The following AKAP9 variants were observed in gnomAD, a reference collection of about 807,000 sequenced individuals.
AKAP9 encodes A-kinase anchoring protein 9.
A neutral mutation model predicts 488.5 loss-of-function variants in AKAP9; 311 were observed. The ratio of observed to expected loss-of-function variants is 0.64; its 90% CI spans 0.58 to 0.70. The LOEUF is 0.70. Among genes scored for constraint, AKAP9 ranks in the 30% least tolerant of loss-of-function variants. The pLI, the probability that AKAP9 is intolerant of heterozygous loss-of-function variation, is 0.00. For missense variants in AKAP9, 4,215 were observed against 4,374.5 expected (o/e 0.96, Z 1.03); for synonymous variants, 1,462 against 1,483.5 (o/e 0.99, Z 0.33).
intron 27 of AKAP9, among the ~76,000 whole-genome samples, chr7:92,070,624 G>A (rs1011730976): frequency 4.0e-5 from 6 of 151,710 alleles, no homozygotes; most frequent in East Asian, 3.9e-4. Context: ...TAGTAGAAAC[G>A]GGGTTTCTGC....
intron 47 of AKAP9, among the ~76,000 whole-genome samples, chr7:92,106,939 A>AT (rs1187540886): frequency 6.6e-6 from 1 of 152,162 alleles, no homozygotes; most frequent in Non-Finnish European, 1.5e-5. Flanking sequence ...TTGGTCTAAT[A>AT]TTTTTTATCC....
At chr7:92,067,136 G>A (rs1407706926) in intron 26 of AKAP9, among the ~76,000 whole-genome samples, 1 of 152,166 alleles carries the variant, frequency 6.6e-6, no homozygotes, top group Non-Finnish European at 1.5e-5. Context: ...CAGCATAAAT[G>A]ATGGAGTGCC....
At chr7:92,104,190 A>ATTTTTT (rs879741854) in intron 46 of AKAP9, among the ~76,000 whole-genome samples, 1 of 142,582 alleles carries the variant, frequency 7.0e-6, no homozygotes. Flanking sequence ...TTATTTATTT[A>ATTTTTT]TTTTTTTTTT....
chr7:92,033,724 C>T (rs1804683125), intron 16 of AKAP9, among the ~76,000 whole-genome samples: 1 of 152,286 alleles, frequency 6.6e-6, no homozygotes, highest in South Asian at 2.1e-4. Context: ...AGGCGTGAGC[C>T]ACCATGCCTG....
intron 22 of AKAP9, among the ~76,000 whole-genome samples, chr7:92,054,361 T>C (rs75492184): frequency 6.6e-6 from 1 of 152,136 alleles, no homozygotes; most frequent in African/African-American, 2.4e-5. Flanking sequence ...ATTTTTTTTT[T>C]CACGTATTAT....
At chr7:91,974,254 G>C (rs1336904272) in intron 2 of AKAP9, among the ~76,000 whole-genome samples, 3 of 152,196 alleles carry the variant, frequency 2.0e-5, no homozygotes, top group Non-Finnish European at 4.4e-5. Flanking sequence ...AATTATTCTA[G>C]TGGAGAAGGC....
At chr7:92,077,911 G>C (rs1812874815) in intron 30 of AKAP9, 36 bp downstream of exon 30, 1 of 1,537,846 alleles carries the variant, frequency 6.5e-7, no homozygotes, top group Non-Finnish European at 8.9e-7. Context: ...AAATTAATAT[G>C]AACCAGAGTT....
chr7:91,952,587 G>C (rs1341198284), intron 1 of AKAP9, among the ~76,000 whole-genome samples: 1 of 152,170 alleles, frequency 6.6e-6, no homozygotes, highest in Non-Finnish European at 1.5e-5. Context: ...GCTTCCAGAA[G>C]AATGAGACAA....
chr7:91,991,285 C>T lies in AKAP9; in HGVS notation c.352-873C>T, dbSNP rs375976095. On this transcript the variant is annotated intron_variant, in intron 3 of 49. Transcript: ENST00000356239. ...TTAATTTGAAAGTTATTGCAAATGT[C>T]TTGATATTAATCTTTTAATTAAAAA... 4.1e-5 allele frequency among the ~76,000 whole-genome samples: 6 copies of T among 147,138 alleles called. 1 individual carries two copies. The highest frequency in any genetic ancestry group is 1.5e-4 in the African/African-American group (6 of 39,132).
chr7:92,013,093 G>A (rs1800998653), intron 9 of AKAP9, among the ~76,000 whole-genome samples: 1 of 139,688 alleles, frequency 7.2e-6, no homozygotes, highest in African/African-American at 2.6e-5. Context: ...CCGGGTTCAC[G>A]CCATTCTCCT....
intron 37 of AKAP9, 51 bp downstream of exon 37, chr7:92,086,467 CTA>C: frequency 6.9e-7 from 1 of 1,444,292 alleles, no homozygotes; most frequent in Non-Finnish European, 9.7e-7. Context: ...AAGGAAATGA[CTA>C]TTGATTTTAG....
intron 7 of AKAP9, among the ~76,000 whole-genome samples, chr7:92,000,243 G>A (rs932151337): frequency 4.6e-5 from 7 of 152,132 alleles, no homozygotes; most frequent in Non-Finnish European, 8.8e-5. Flanking sequence ...GCCATAAATG[G>A]TATAGTTGTC....
intron 8 of AKAP9, among the ~76,000 whole-genome samples, chr7:92,011,023 G>C (rs955246720): frequency 1.3e-5 from 2 of 151,892 alleles, no homozygotes; most frequent in East Asian, 3.8e-4. Flanking sequence ...TTTTTTCAAT[G>C]GAGAAAATCC....
At chr7:92,018,637 A>G (rs1440921312) in intron 12 of AKAP9, among the ~76,000 whole-genome samples, 1 of 151,942 alleles carries the variant, frequency 6.6e-6, no homozygotes, top group African/African-American at 2.4e-5. Flanking sequence ...TTACTTTATT[A>G]TTTCTCGACT....
chr7:91,994,521 A>G (rs1404567017), intron 5 of AKAP9, 100 bp from the exon 6 acceptor site: 2 of 998,042 alleles, frequency 2.0e-6, no homozygotes, highest in African/African-American at 3.3e-5. Flanking sequence ...ACAAAGTGTA[A>G]GAATTATGCC....
Position 92,001,429 on chromosome 7 carries a change from T to C in AKAP9, c.1512T>C (p.Asp504=). Residue 504 remains aspartate (D), a synonymous_variant, in exon 8 of 50, where the codon GAT becomes GAC. Coordinates refer to ENST00000356239, the MANE Select transcript of AKAP9 (RefSeq NM_005751.5). ...ATGAACTGAATATAAAATTGCAAGA[T>C]ACTAACTCTCAAAAGGAAAAACTCA... ...AINELNIKLQ[D]TNSQKEKLKE... 1 of 1,613,822 alleles carries C rather than the reference T, an allele frequency of 6.2e-7. No individual in the cohort carries two copies. Among genetic ancestry groups the C allele is most frequent in the Non-Finnish European group, 8.5e-7 (1 of 1,179,814 alleles).
Position 92,040,719 on chromosome 7 carries a change from C to T in AKAP9, c.4738C>T (p.Leu1580=). Residue 1580 remains leucine, a synonymous_variant, in exon 18 of 50, where the codon CTA becomes TTA. Transcript: ENST00000356239. ...GTCAAGCATGGATGCTTCTAGACAA[C>T]TAATGTTGAATGAAGAACAGTTGGA... The part of the protein sequence containing the change: ...SVSSMDASRQ[L]MLNEEQLEDM... 1 of 1,596,458 alleles carries T rather than the reference C, an allele frequency of 6.3e-7. No homozygotes were observed. The highest frequency in any genetic ancestry group is 1.4e-5 in the African/African-American group (1 of 72,764).
chr7:92,043,013 A>T, intron 20 of AKAP9: 1 of 324,452 alleles, frequency 3.1e-6, no homozygotes, highest in Non-Finnish European at 5.9e-6. Context: ...TATTAATCAC[A>T]TACTTAACTG....
intron 38 of AKAP9, chr7:92,092,789 G>T (rs1338568964): frequency 1.6e-5 from 5 of 314,704 alleles, no homozygotes; most frequent in South Asian, 3.1e-5. Context: ...TGGGACTACA[G>T]GCACATGCCA....
Sources: allele counts gnomAD v4.1 joint callset (sites outside exome capture counted in the v4.1 genomes callset), GRCh38; gene constraint gnomAD v4.1.1; transcripts MANE v1.5; gene names NCBI Gene and HGNC (gene_info 2026-07-23, HGNC 2026-07-21).